TM4SF1: variants seen among roughly 807,000 people sequenced by gnomAD.
TM4SF1 encodes the protein transmembrane 4 L6 family member 1.
A neutral mutation model predicts 24.5 loss-of-function variants in TM4SF1; 20 were observed. That is an observed-to-expected ratio of 0.82 (90% CI 0.57 to 1.19). The LOEUF (loss-of-function observed/expected upper bound fraction) is 1.19. TM4SF1 is among the 50% of genes most tolerant of loss of function. The pLI, the probability that TM4SF1 is intolerant of heterozygous loss-of-function variation, is 0.00. For synonymous variants in TM4SF1, 107 were observed against 95.4 expected, an observed-to-expected ratio of 1.12 and a Z score of -0.71; for missense variants, 258 against 248.1, an observed-to-expected ratio of 1.04 and a Z score of -0.27.
chr3:149,372,699 T>C (rs1413001410), intron 3 of TM4SF1, among the ~76,000 whole-genome samples: 1 of 152,150 alleles, frequency 6.6e-6, no homozygotes, highest in African/African-American at 2.4e-5. Flanking sequence ...TCTTGGCTCA[T>C]TGCAACCTCT....
At chr3:149,376,974 C>G (rs2108380458) in intron 1 of TM4SF1, among the ~76,000 whole-genome samples, 1 of 152,260 alleles carries the variant, frequency 6.6e-6, no homozygotes, top group South Asian at 2.1e-4. Context: ...AAATAAACAG[C>G]AGAGAATTTG....
chr3:149,369,651 T>G lies in TM4SF1; in HGVS notation c.*215A>C. 1 of 509,188 alleles carries G rather than the reference T, an allele frequency of 2.0e-6. No individual in the cohort carries two copies. Among genetic ancestry groups the G allele is most frequent in the East Asian group, 3.9e-5 (1 of 25,928 alleles). 31.5% of individuals were successfully genotyped at this position (509,188 alleles called of 1,614,324 possible). On this transcript the variant is annotated 3_prime_UTR_variant, in exon 5 of 5. Transcript: ENST00000305366. ...GAGGGTGGTTTGTTTCCTCATTCCTTAAAAAAAAACAAAAACAAATAAACA... is the reference window on the plus strand; with the variant it reads ...GAGGGTGGTTTGTTTCCTCATTCCTGAAAAAAAAACAAAAACAAATAAACA...
rs772293017 is a variant in TM4SF1, at chr3:149,369,797, A to C, written c.*69T>G. ...ACACTAATACAAAGTTTTACAAATGAATACAAGTGAAATATATAAATTACA... is the reference window on the plus strand; with the variant it reads ...ACACTAATACAAAGTTTTACAAATGCATACAAGTGAAATATATAAATTACA... On this transcript the variant is annotated 3_prime_UTR_variant, in exon 5 of 5. Transcript: ENST00000305366. 9 of 1,600,406 alleles carry C rather than the reference A, an allele frequency of 5.6e-6. No homozygotes were observed. The highest frequency in any genetic ancestry group is 7.7e-6 in the Non-Finnish European group (9 of 1,173,158).
intron 3 of TM4SF1, 140 bp downstream of exon 3, chr3:149,375,303 C>T: frequency 9.4e-7 from 1 of 1,068,932 alleles, no homozygotes. Flanking sequence ...TTGCCTAAAC[C>T]ATGCCTGAGT....
At position 149,375,466 on chromosome 3, in the gene TM4SF1, G is replaced by A; in HGVS notation, c.390C>T (p.Tyr130=). The change falls in exon 3 of 5, where the codon TAC becomes TAT. Residue 130 remains tyrosine (Y), a synonymous_variant. Transcript: ENST00000305366. ...LCLDSLGQWN[Y]TFASTEGQYL... is the part of the protein sequence containing the mutation. Reference sequence around the variant, plus strand: ...ACTGGCCCTCAGTGCTGGCAAAGGTGTAGTTCCACTGGCCGAGGGAATCAA... The same window carrying A: ...ACTGGCCCTCAGTGCTGGCAAAGGTATAGTTCCACTGGCCGAGGGAATCAA... The A allele has an allele frequency of 6.2e-7, 1 of 1,614,222 alleles. No homozygotes were observed. The highest frequency in any genetic ancestry group is 2.2e-5 in the East Asian group (1 of 44,890).
chr3:149,373,956 G>A (rs1731891891), intron 3 of TM4SF1, among the ~76,000 whole-genome samples: 1 of 152,156 alleles, frequency 6.6e-6, no homozygotes, highest in Non-Finnish European at 1.5e-5. Context: ...TTTTCTACTA[G>A]TACATCCAGT....
chr3:149,375,482 A>C lies in TM4SF1; in HGVS notation c.374T>G (p.Leu125Arg). The C allele has an allele frequency of 6.2e-7, 1 of 1,614,202 alleles. No individual in the cohort carries two copies. The highest frequency in any genetic ancestry group is 1.1e-5 in the South Asian group (1 of 91,080). Residue 125 changes from leucine to arginine, a missense_variant, in exon 3 of 5, where the codon CTC becomes CGC. Leu to Arg is a moderately radical substitution (Grantham distance 102). Transcript: ENST00000305366. ...LAEGPLCLDSLGQWNYTFAST... is the reference protein window; with the variant it reads ...LAEGPLCLDSRGQWNYTFAST... ...GGCAAAGGTGTAGTTCCACTGGCCG[A>C]GGGAATCAAGACATAGTGGTCCTTC...
At chr3:149,377,106 G>A (rs1008762256) in intron 1 of TM4SF1, among the ~76,000 whole-genome samples, 1 of 152,150 alleles carries the variant, frequency 6.6e-6, no homozygotes, top group African/African-American at 2.4e-5. Flanking sequence ...ATTTAAAAGC[G>A]AATATCTGTT....
At chr3:149,374,972 C>T (rs561817385) in intron 3 of TM4SF1, among the ~76,000 whole-genome samples, 17 of 152,288 alleles carry the variant, frequency 1.1e-4, no homozygotes, top group East Asian at 3.9e-4. Context: ...TTTCTGGCAA[C>T]GTGACCTTGG....
chr3:149,372,332 T>C (rs938579967), intron 3 of TM4SF1, among the ~76,000 whole-genome samples: 1 of 152,176 alleles, frequency 6.6e-6, no homozygotes, highest in Non-Finnish European at 1.5e-5. Flanking sequence ...AATTTTATTG[T>C]TGTTATTGGT....
At chr3:149,372,243 T>C (rs77691775) in intron 3 of TM4SF1, among the ~76,000 whole-genome samples, 4,035 of 152,254 alleles carry the variant, frequency 0.027, 163 homozygotes, top group African/African-American at 0.092. Flanking sequence ...GGAAGTAAAC[T>C]ACGAGCAAAT....
chr3:149,371,373 A>G, intron 4 of TM4SF1: 2 of 546,756 alleles, frequency 3.7e-6, no homozygotes, highest in Non-Finnish European at 6.5e-6. Context: ...AGCAGACATC[A>G]CTTTTTTTTC....
chr3:149,371,428 G>T, intron 4 of TM4SF1: 1 of 587,850 alleles, frequency 1.7e-6, no homozygotes, highest in South Asian at 2.1e-5. Context: ...ATCCTGAAGG[G>T]AGCGCTGTGT....
rs534993068 is a variant in TM4SF1 at position 149,377,572 on chromosome 3, C to T, written c.-25G>A. 2.5e-6 allele frequency: 4 copies of T among 1,598,174 alleles called. No homozygotes were observed. Among genetic ancestry groups the T allele is most frequent in the Admixed American group, 1.7e-5 (1 of 58,912 alleles). ...TGGTGGTCTGCTAGGTTTTCTCCCC[C>T]TTCTCTTTGTCTTCAGCTCAGTGAT... On this transcript the variant is annotated 5_prime_UTR_variant, in exon 1 of 5. Transcript: ENST00000305366.
chr3:149,377,625 T>C lies in TM4SF1; in HGVS notation c.-78A>G. The C allele has an allele frequency of 6.5e-7, 1 of 1,533,078 alleles. No homozygotes were observed. Among genetic ancestry groups the C allele is most frequent in the Non-Finnish European group, 8.8e-7 (1 of 1,140,904 alleles). 95.0% of individuals were successfully genotyped at this position (1,533,078 alleles called of 1,614,324 possible). A position where few individuals can be genotyped will look rare whatever the true frequency, so the allele number is the denominator to read the frequency against. On this transcript the variant is annotated 5_prime_UTR_variant, in exon 1 of 5. Transcript: ENST00000305366. ...CCCAAATTAGATGAAAGTGTGCCCTTCTGGTGGAGAAAGCAAACACCACTC... is the reference window on the plus strand; with the variant it reads ...CCCAAATTAGATGAAAGTGTGCCCTCCTGGTGGAGAAAGCAAACACCACTC...
chr3:149,372,684 C>T (rs918429218), intron 3 of TM4SF1, among the ~76,000 whole-genome samples: 6 of 152,226 alleles, frequency 3.9e-5, no homozygotes, highest in South Asian at 4.1e-4. Context: ...AGTGCAATGG[C>T]GCAATCTTGG....
chr3:149,369,484 T>G lies in TM4SF1; in HGVS notation c.*382A>C, dbSNP rs1173416699. The G allele has an allele frequency of 6.1e-6, 1 of 163,232 alleles. No homozygotes were observed. Among genetic ancestry groups the G allele is most frequent in the Non-Finnish European group, 1.3e-5 (1 of 76,114 alleles). 10.1% of individuals were successfully genotyped at this position (163,232 alleles called of 1,614,324 possible). A position where few individuals can be genotyped will look rare whatever the true frequency, so the allele number is the denominator to read the frequency against. On this transcript the variant is annotated 3_prime_UTR_variant, in exon 5 of 5. Transcript: ENST00000305366. ...TCGGATTTTCTCCTTCTTGGTCTTA[T>G]AAAAAGCAACTAGACATCTTTAATT...
intron 3 of TM4SF1, among the ~76,000 whole-genome samples, chr3:149,374,358 G>T (rs1435870456): frequency 6.6e-6 from 1 of 152,120 alleles, no homozygotes; most frequent in African/African-American, 2.4e-5. Flanking sequence ...AATTCATGGG[G>T]TCAAACATTC....
chr3:149,376,548 T>C, intron 1 of TM4SF1, among the ~76,000 whole-genome samples: 1 of 152,202 alleles, frequency 6.6e-6, no homozygotes. Flanking sequence ...ATAAATAATT[T>C]AGGGCAGATT....
Sources: allele counts gnomAD v4.1 joint callset (sites outside exome capture counted in the v4.1 genomes callset), GRCh38; gene constraint gnomAD v4.1.1; transcripts MANE v1.5; gene names NCBI Gene and HGNC (gene_info 2026-07-23, HGNC 2026-07-21).